LYRM4: variants seen among roughly 807,000 people sequenced by gnomAD.
The protein encoded by LYRM4 is LYR motif-containing protein 4.
LYRM4 carries 9 observed loss-of-function variants against 11.7 expected under a neutral mutation model. The ratio of observed to expected loss-of-function variants is 0.77; its 90% CI spans 0.46 to 1.34. The LOEUF (loss-of-function observed/expected upper bound fraction) is 1.34. Ranked by LOEUF, LYRM4 falls within the 40% of genes most tolerant of loss-of-function variation. The pLI is 0.00. For missense variants in LYRM4, 133 were observed against 112.5 expected (o/e 1.18, Z -0.82); for synonymous variants, 42 against 40.4 (o/e 1.04, Z -0.15).
downstream of LYRM4, among the ~76,000 whole-genome samples, chr6:5,101,570 G>A (rs1329824223): frequency 1.3e-5 from 2 of 152,276 alleles, no homozygotes; most frequent in East Asian, 3.9e-4. Flanking sequence ...GGAAGATGAA[G>A]GAATGAATGA....
intron 2 of LYRM4, among the ~76,000 whole-genome samples, chr6:5,117,838 T>C (rs1162350105): frequency 6.6e-6 from 1 of 151,880 alleles, no homozygotes; most frequent in Non-Finnish European, 1.5e-5. Context: ...TGTGAATAAA[T>C]ACTGCACTCT....
intron 2 of LYRM4, among the ~76,000 whole-genome samples, chr6:5,199,510 A>T (rs1485728311): frequency 6.6e-6 from 1 of 152,200 alleles, no homozygotes; most frequent in Non-Finnish European, 1.5e-5. Flanking sequence ...AAATGGGTGA[A>T]TTTTGTGGTA....
chr6:5,146,476 C>G (rs1757730340), intron 2 of LYRM4, among the ~76,000 whole-genome samples: 1 of 152,142 alleles, frequency 6.6e-6, no homozygotes, highest in African/African-American at 2.4e-5. Flanking sequence ...AAGGGAGAGC[C>G]AGGATTTATA....
intron 1 of LYRM4, among the ~76,000 whole-genome samples, chr6:5,251,590 AT>A (rs1444166387): frequency 6.6e-6 from 1 of 152,190 alleles, no homozygotes; most frequent in Non-Finnish European, 1.5e-5. Context: ...CTCACTCATT[AT>A]TGTGAGGACA....
At chr6:5,216,961 T>C (rs1030368434) in intron 1 of LYRM4, among the ~76,000 whole-genome samples, 4 of 152,232 alleles carry the variant, frequency 2.6e-5, no homozygotes, top group African/African-American at 9.6e-5. Flanking sequence ...CACATACAAA[T>C]GGCAAACTGC....
At chr6:5,066,849 G>C in the LYRM4 span, 1 of 847,036 alleles carries the variant, frequency 1.2e-6, no homozygotes, top group South Asian at 1.5e-5. Flanking sequence ...AGAGGAGTCA[G>C]ACAGGCCACG....
At chr6:5,058,338 T>C in the LYRM4 span, among the ~76,000 whole-genome samples, 1 of 152,172 alleles carries the variant, frequency 6.6e-6, no homozygotes, top group African/African-American at 2.4e-5. Flanking sequence ...GAGTGCTGCC[T>C]GCTTTCTCAA....
rs1434223246 is a variant in LYRM4, at chr6:5,260,758, G to A, written c.-25C>T. ...TTTTGGAAAGAAAAAAAAATAAACGGGTCCTCTTCGCCGAGGTCCCAAGTA... is the reference window on the plus strand; with the variant it reads ...TTTTGGAAAGAAAAAAAAATAAACGAGTCCTCTTCGCCGAGGTCCCAAGTA... On this transcript the variant is annotated 5_prime_UTR_variant, in exon 1 of 3. Transcript: ENST00000330636. 10 of 1,540,092 alleles carry A rather than the reference G, an allele frequency of 6.5e-6. No homozygotes were observed. Among genetic ancestry groups the A allele is most frequent in the Non-Finnish European group, 8.7e-6 (10 of 1,146,606 alleles).
the LYRM4 span, among the ~76,000 whole-genome samples, chr6:5,058,154 G>C: frequency 1.3e-5 from 2 of 152,018 alleles, no homozygotes; most frequent in African/African-American, 4.8e-5. Flanking sequence ...CCTTCTTCGG[G>C]TTCCACCTTA....
intron 1 of LYRM4, among the ~76,000 whole-genome samples, chr6:5,221,713 C>G (rs1240351897): frequency 6.6e-6 from 1 of 152,158 alleles, no homozygotes; most frequent in Non-Finnish European, 1.5e-5. Context: ...AACAAACAAA[C>G]AAAAACCTGA....
the LYRM4 span, among the ~76,000 whole-genome samples, chr6:5,081,575 A>T: frequency 6.6e-6 from 1 of 152,200 alleles, no homozygotes; most frequent in Non-Finnish European, 1.5e-5. Flanking sequence ...CTCAAAGCTC[A>T]GTCCTGGGCC....
At chr6:5,157,310 G>A (rs997409125) in intron 2 of LYRM4, among the ~76,000 whole-genome samples, 1 of 152,086 alleles carries the variant, frequency 6.6e-6, no homozygotes. Flanking sequence ...AATAAATAAG[G>A]ACTTAGGTAT....
chr6:5,085,892 A>T, the LYRM4 span: 1 of 1,531,332 alleles, frequency 6.5e-7, no homozygotes, highest in Non-Finnish European at 8.7e-7. Context: ...CAGTTCGCGG[A>T]CACGCTGGGG....
intron 2 of LYRM4, among the ~76,000 whole-genome samples, chr6:5,214,182 G>C (rs1762133674): frequency 6.6e-6 from 1 of 152,238 alleles, no homozygotes; most frequent in African/African-American, 2.4e-5. Flanking sequence ...GTACTGATAA[G>C]TGCTGTCACA....
At chr6:5,036,234 A>C in the LYRM4 span, among the ~76,000 whole-genome samples, 1 of 152,220 alleles carries the variant, frequency 6.6e-6, no homozygotes, top group Admixed American at 6.5e-5. Context: ...ATGTGGAAGA[A>C]GTGGTCTGAA....
chr6:5,128,675 C>T (rs1763805472), intron 2 of LYRM4, among the ~76,000 whole-genome samples: 1 of 152,238 alleles, frequency 6.6e-6, no homozygotes, highest in South Asian at 2.1e-4. Context: ...GAACATGTCT[C>T]TTGAACCCTC....
At chr6:5,211,648 C>G (rs1761992325) in intron 2 of LYRM4, among the ~76,000 whole-genome samples, 1 of 152,136 alleles carries the variant, frequency 6.6e-6, no homozygotes, top group South Asian at 2.1e-4. Context: ...TAAAAAAGCA[C>G]AAGCTTAAGA....
intron 2 of LYRM4, among the ~76,000 whole-genome samples, chr6:5,141,440 G>A (rs769599045): frequency 6.6e-6 from 1 of 152,202 alleles, no homozygotes; most frequent in Non-Finnish European, 1.5e-5. Context: ...CAGAAAGGAA[G>A]AGCCTCTTCA....
chr6:5,119,616 G>A (rs1763315588), intron 2 of LYRM4, among the ~76,000 whole-genome samples: 2 of 151,708 alleles, frequency 1.3e-5, no homozygotes, highest in South Asian at 2.1e-4. Context: ...ACAAGACCCC[G>A]TCGCTACTAA....
Sources: gnomAD v4.1 joint callset for allele counts (sites outside exome capture counted in the v4.1 genomes callset) on GRCh38, gnomAD v4.1.1 for gene constraint, MANE v1.5 for transcripts, NCBI Gene and HGNC (gene_info 2026-07-23, HGNC 2026-07-21) for gene names.